Variants in CDH18 observed in about 807,000 individuals in gnomAD.
The protein encoded by CDH18 is cadherin 18, also known as cadherin-18.
Under a neutral mutation model 67.9 loss-of-function variants are expected in CDH18, and 31 were observed. The observed-to-expected ratio is 0.46, with a 90% CI of 0.34 to 0.62. CDH18 has a LOEUF of 0.62. Ranked by LOEUF, CDH18 falls within the 20% of genes least tolerant of loss-of-function variation. CDH18 has a pLI of 0.01. For missense variants in CDH18, 890 were observed against 975.5 expected (o/e 0.91, Z 1.17); for synonymous variants, 362 against 347.2 (o/e 1.04, Z -0.48).
intron 8 of CDH18, among the ~76,000 whole-genome samples, chr5:19,562,019 G>A (rs1359712292): frequency 6.6e-6 from 1 of 152,098 alleles, no homozygotes; most frequent in Non-Finnish European, 1.5e-5. Flanking sequence ...GTCTCTACTG[G>A]ATTTGCATTA....
At chr5:19,630,170 C>A (rs1580594005) in intron 5 of CDH18, among the ~76,000 whole-genome samples, 1 of 151,928 alleles carries the variant, frequency 6.6e-6, no homozygotes, top group African/African-American at 2.4e-5. Flanking sequence ...TTGAACTCCT[C>A]ACCTCAGGTG....
At chr5:19,636,525 A>AC (rs1161754446) in intron 5 of CDH18, among the ~76,000 whole-genome samples, 13 of 151,938 alleles carry the variant, frequency 8.6e-5, no homozygotes, top group Non-Finnish European at 2.9e-5. Flanking sequence ...TTAAGGTTTA[A>AC]CTTTTGATTG....
intron 1 of CDH18, among the ~76,000 whole-genome samples, chr5:20,287,627 G>T (rs1380940017): frequency 6.6e-6 from 1 of 151,768 alleles, no homozygotes; most frequent in African/African-American, 2.4e-5. Flanking sequence ...CTAATGATAT[G>T]CTAGCAACAC....
Position 20,131,881 on chromosome 5 carries a change from T to TG in CDH18, c.-518+123562_-518+123563insC, listed in dbSNP as rs558210556. Among the ~76,000 whole-genome samples the TG allele has an allele frequency of 1.1e-3, 160 of 152,196 alleles. 1 individual carries two copies. Among genetic ancestry groups the TG allele is most frequent in the Non-Finnish European group, 1.5e-3 (100 of 67,986 alleles). ...ATAGCTTTACAATAAAGTGTTTTTT[T>TG]TTGTTGTTGTTGTTGTTGTTTTTGA... On this transcript the variant is annotated intron_variant, in intron 2 of 14. Coordinates refer to the CDH18 transcript ENST00000507958.
At chr5:20,249,169 A>G (rs1004508530) in intron 2 of CDH18, among the ~76,000 whole-genome samples, 3 of 152,174 alleles carry the variant, frequency 2.0e-5, no homozygotes, top group African/African-American at 7.2e-5. Context: ...GGGAAGAGCA[A>G]ATATTAAATA....
chr5:19,801,150 A>G (rs1396405331), intron 3 of CDH18, among the ~76,000 whole-genome samples: 1 of 152,156 alleles, frequency 6.6e-6, no homozygotes, highest in African/African-American at 2.4e-5. Context: ...ACATAATACA[A>G]TAATAGAGGT....
At chr5:20,296,942 T>C (rs1374803771) in intron 1 of CDH18, among the ~76,000 whole-genome samples, 3 of 151,864 alleles carry the variant, frequency 2.0e-5, no homozygotes. Context: ...TTCTGTTACA[T>C]AAATAAGTAC....
chr5:19,721,464 T>A lies in CDH18; in HGVS notation c.526A>T (p.Thr176Ser). Reference protein sequence around the residue: ...VTVPEMSDMGTSVLQVTATDA... With the variant: ...VTVPEMSDMGSSVLQVTATDA... ...GTAGCTGTCACCTGTAGAACAGAGGTACCTGTGCATTCAGGAAAACAAATT... is the reference window on the plus strand; with the variant it reads ...GTAGCTGTCACCTGTAGAACAGAGGAACCTGTGCATTCAGGAAAACAAATT... Residue 176 changes from threonine (T) to serine (S), a missense_variant and splice_region_variant, in exon 5 of 13, where the codon ACC (threonine) becomes TCC (serine). Physicochemically the swap from Thr to Ser is moderately conservative, Grantham distance 58. Transcript: ENST00000382275. 6.2e-7 allele frequency: 1 copy of A among 1,606,938 alleles called. No homozygotes were observed. The highest frequency in any genetic ancestry group is 8.5e-7 in the Non-Finnish European group (1 of 1,175,854).
intron 5 of CDH18, among the ~76,000 whole-genome samples, chr5:19,712,197 C>A (rs1764789128): frequency 1.3e-5 from 2 of 151,898 alleles, no homozygotes; most frequent in South Asian, 4.1e-4. Context: ...TTATTGGGTA[C>A]AAAGTACATT....
intron 2 of CDH18, among the ~76,000 whole-genome samples, chr5:20,147,633 T>C (rs1580347097): frequency 6.6e-6 from 1 of 152,320 alleles, no homozygotes; most frequent in Non-Finnish European, 1.5e-5. Flanking sequence ...CTTTTGTTTC[T>C]ATTTTCATTT....
intron 11 of CDH18, among the ~76,000 whole-genome samples, chr5:19,485,778 T>G (rs923037099): frequency 9.9e-5 from 15 of 152,126 alleles, no homozygotes; most frequent in African/African-American, 3.6e-4. Flanking sequence ...TGTTTGACAA[T>G]CTTACAGCTG....
intron 1 of CDH18, among the ~76,000 whole-genome samples, chr5:20,574,721 C>T (rs74448434): frequency 0.071 from 10,801 of 152,016 alleles, 684 homozygotes; most frequent in African/African-American, 0.16. Flanking sequence ...ATTTAATATG[C>T]GCGAAGTTCC....
intron 1 of CDH18, among the ~76,000 whole-genome samples, chr5:20,334,728 G>GATCT (rs1403512083): frequency 1.2e-4 from 16 of 129,308 alleles, no homozygotes; most frequent in African/African-American, 2.0e-4. Context: ...TGAGTGCTAT[G>GATCT]ATCTCTCTCT....
intron 2 of CDH18, among the ~76,000 whole-genome samples, chr5:20,153,721 CT>C (rs1751302685): frequency 6.6e-6 from 1 of 152,162 alleles, no homozygotes; most frequent in Non-Finnish European, 1.5e-5. Context: ...CTCACATGGC[CT>C]TTCCTTTATA....
At chr5:20,190,809 C>G (rs1738477626) in intron 2 of CDH18, among the ~76,000 whole-genome samples, 1 of 152,094 alleles carries the variant, frequency 6.6e-6, no homozygotes, top group African/African-American at 2.4e-5. Flanking sequence ...TGATACATTT[C>G]CTTCCTGCTC....
At position 20,455,077 on chromosome 5, in the gene CDH18, G is replaced by GAA. The variant is rs60672849; in HGVS notation, c.-580+120383_-580+120384dup. ...TTGAGCTTGAAGAAAACTGTGAGCA[G>GAA]AAAAAAAAAAAATCCCTATTCCTCT... On this transcript the variant is annotated intron_variant, in intron 1 of 14. Coordinates refer to the CDH18 transcript ENST00000507958. 6.5e-3 allele frequency among the ~76,000 whole-genome samples: 956 copies of GAA among 148,036 alleles called. 6 individuals are homozygous for GAA. The highest frequency in any genetic ancestry group is 9.8e-3 in the African/African-American group (398 of 40,602).
At chr5:19,783,239 G>C (rs899514795) in intron 3 of CDH18, among the ~76,000 whole-genome samples, 1 of 152,100 alleles carries the variant, frequency 6.6e-6, no homozygotes, top group South Asian at 2.1e-4. Flanking sequence ...ACTTGAGATT[G>C]TGATAGGCTT....
intron 2 of CDH18, among the ~76,000 whole-genome samples, chr5:20,002,057 A>T (rs1254842857): frequency 6.6e-6 from 1 of 152,200 alleles, no homozygotes; most frequent in South Asian, 2.1e-4. Flanking sequence ...GCTCATTGTT[A>T]CAAACTAGTC....
At chr5:20,056,031 G>A (rs1173588916) in intron 2 of CDH18, among the ~76,000 whole-genome samples, 3 of 91,592 alleles carry the variant, frequency 3.3e-5, no homozygotes, top group African/African-American at 1.3e-4. Context: ...TGAGATTTGA[G>A]TCTCACTCCG....
Sources: gnomAD v4.1 joint callset for allele counts (sites outside exome capture counted in the v4.1 genomes callset) on GRCh38, gnomAD v4.1.1 for gene constraint, MANE v1.5 for transcripts, NCBI Gene and HGNC (gene_info 2026-07-23, HGNC 2026-07-21) for gene names.